SOX6: variants seen among roughly 807,000 people sequenced by gnomAD.
SOX6 encodes the protein SRY-box transcription factor 6.
In SOX6, 11 loss-of-function variants were observed where a neutral mutation model predicts 97.8. The observed-to-expected ratio is 0.11, with a 90% CI of 0.07 to 0.19. The LOEUF (loss-of-function observed/expected upper bound fraction) is 0.19. Ranked by LOEUF, SOX6 falls within the 10% of genes least tolerant of loss-of-function variation. The probability of loss-of-function intolerance (pLI) is 1.00; values close to 1 mark genes in which losing one functional copy is unlikely to be tolerated. For synonymous variants in SOX6, 360 were observed against 371.4 expected (o/e 0.97, Z 0.35); for missense variants, 810 against 1,039.5 (o/e 0.78, Z 3.04).
chr11:16,012,206 C>A (rs1006696835), intron 13 of SOX6, among the ~76,000 whole-genome samples: 1 of 151,908 alleles, frequency 6.6e-6, no homozygotes, highest in East Asian at 1.9e-4. Flanking sequence ...TATGAAGGAA[C>A]GAAGTAGAGA....
At chr11:16,567,115 C>T (rs1050186215) in intron 4 of SOX6, among the ~76,000 whole-genome samples, 1 of 152,174 alleles carries the variant, frequency 6.6e-6, no homozygotes, top group East Asian at 1.9e-4. Context: ...CACCTGACCT[C>T]ATCTGACAAG....
At chr11:16,541,869 G>A (rs756131622) in intron 4 of SOX6, among the ~76,000 whole-genome samples, 1 of 152,178 alleles carries the variant, frequency 6.6e-6, no homozygotes, top group Non-Finnish European at 1.5e-5. Context: ...GTTGGTGGGA[G>A]TGTAAATTAG....
intron 1 of SOX6, among the ~76,000 whole-genome samples, chr11:16,363,424 A>G (rs574954647): frequency 2.0e-5 from 3 of 152,270 alleles, no homozygotes; most frequent in East Asian, 1.9e-4. Context: ...GTTCAATCCA[A>G]TATCTGCAAA....
intron 4 of SOX6, among the ~76,000 whole-genome samples, chr11:16,233,901 G>A (rs1049700900): frequency 6.6e-6 from 1 of 151,562 alleles, no homozygotes; most frequent in African/African-American, 2.4e-5. Context: ...CAGCTACTCA[G>A]GGGGCTGAGG....
intron 1 of SOX6, among the ~76,000 whole-genome samples, chr11:16,345,157 A>C (rs1337213759): frequency 6.6e-6 from 1 of 151,958 alleles, no homozygotes; most frequent in Non-Finnish European, 1.5e-5. Flanking sequence ...TTGGAGATAA[A>C]ATAAAAGAGG....
chr11:16,433,635 T>C (rs1343997898), intron 1 of SOX6, among the ~76,000 whole-genome samples: 1 of 152,096 alleles, frequency 6.6e-6, no homozygotes, highest in Non-Finnish European at 1.5e-5. Context: ...TTGGGGTTTT[T>C]GTTATGTGCT....
chr11:16,184,518 C>T (rs1319804691), intron 5 of SOX6, among the ~76,000 whole-genome samples: 2 of 152,028 alleles, frequency 1.3e-5, no homozygotes, highest in African/African-American at 4.8e-5. Flanking sequence ...TTTTTAAAAA[C>T]AAATTAAGCT....
intron 2 of SOX6, among the ~76,000 whole-genome samples, chr11:16,716,944 T>C (rs1848223755): frequency 1.3e-5 from 2 of 152,130 alleles, no homozygotes; most frequent in South Asian, 2.1e-4. Context: ...GCACTGAAAA[T>C]GTTTTATTTC....
chr11:16,130,003 G>T (rs986343605), intron 6 of SOX6, among the ~76,000 whole-genome samples: 1 of 151,896 alleles, frequency 6.6e-6, no homozygotes, highest in Admixed American at 6.6e-5. Flanking sequence ...AGTGTGGAAA[G>T]AAGTGACATT....
intron 3 of SOX6, among the ~76,000 whole-genome samples, chr11:16,623,276 C>G (rs561308007): frequency 3.3e-5 from 5 of 152,186 alleles, no homozygotes; most frequent in African/African-American, 1.2e-4. Context: ...CCACCTCAGC[C>G]TCCCAAAGTG....
At chr11:16,112,812 G>C (rs1849262777) in intron 6 of SOX6, among the ~76,000 whole-genome samples, 1 of 152,070 alleles carries the variant, frequency 6.6e-6, no homozygotes, top group African/African-American at 2.4e-5. Flanking sequence ...CCGGATTCCA[G>C]GATAGCATGA....
chr11:16,081,319 T>C lies in SOX6; in HGVS notation c.1101+14677A>G, dbSNP rs534812638. ...TAAGATTTATAAAATGCACCACTTC[T>C]CTGGAAAAGGAGAAATCACCCTTGG... On this transcript the variant is annotated intron_variant, in intron 9 of 15. Transcript: ENST00000683767. Among the ~76,000 whole-genome samples, 13 of 152,170 alleles carry C rather than the reference T, an allele frequency of 8.5e-5. 1 individual carries two copies. Among genetic ancestry groups the C allele is most frequent in the African/African-American group, 3.1e-4 (13 of 41,530 alleles).
At chr11:16,574,789 T>A (rs1370134307) in intron 4 of SOX6, among the ~76,000 whole-genome samples, 2 of 152,034 alleles carry the variant, frequency 1.3e-5, no homozygotes. Context: ...GATCCTGTAA[T>A]CCCAGCACTT....
intron 4 of SOX6, among the ~76,000 whole-genome samples, chr11:16,547,420 G>C (rs535338788): frequency 1.3e-5 from 2 of 151,846 alleles, no homozygotes; most frequent in African/African-American, 4.8e-5. Flanking sequence ...ATATATAAAA[G>C]TATATGTACA....
intron 4 of SOX6, among the ~76,000 whole-genome samples, chr11:16,232,119 T>C (rs540895535): frequency 2.4e-4 from 36 of 151,992 alleles, no homozygotes; most frequent in African/African-American, 8.4e-4. Context: ...AACCCATGAT[T>C]GTATGTATTC....
chr11:16,532,772 A>G lies in SOX6; in HGVS notation n.610-56384T>C, dbSNP rs187270859. On this transcript the variant is annotated intron_variant and non_coding_transcript_variant, in intron 4 of 5. Transcript: ENST00000524520. ...CAAAAATATCCTAAATATCTTCTGAAGCATGATATGCCAGTACTGTCAAGC... is the reference window on the plus strand; with the variant it reads ...CAAAAATATCCTAAATATCTTCTGAGGCATGATATGCCAGTACTGTCAAGC... Among the ~76,000 whole-genome samples, 594 of 152,070 alleles carry G rather than the reference A, an allele frequency of 3.9e-3. 3 individuals are homozygous for G. The highest frequency in any genetic ancestry group is 0.014 in the African/African-American group (575 of 41,572).
At chr11:16,665,094 G>C (rs1354125637) in intron 3 of SOX6, among the ~76,000 whole-genome samples, 1 of 151,880 alleles carries the variant, frequency 6.6e-6, no homozygotes, top group Non-Finnish European at 1.5e-5. Flanking sequence ...TGGGAGACTT[G>C]CTGGCTTCAA....
intron 1 of SOX6, among the ~76,000 whole-genome samples, chr11:16,374,623 C>A (rs904818407): frequency 2.6e-5 from 4 of 151,992 alleles, no homozygotes; most frequent in African/African-American, 9.7e-5. Flanking sequence ...GATTCAAATA[C>A]TTTAAATAAT....
intron 4 of SOX6, among the ~76,000 whole-genome samples, chr11:16,222,052 A>G (rs938332861): frequency 6.6e-6 from 1 of 152,130 alleles, no homozygotes; most frequent in South Asian, 2.1e-4. Context: ...CTTTAACTCC[A>G]TATCAAAATG....
Sources: allele counts gnomAD v4.1 joint callset (sites outside exome capture counted in the v4.1 genomes callset), GRCh38; gene constraint gnomAD v4.1.1; transcripts MANE v1.5; gene names NCBI Gene and HGNC (gene_info 2026-07-23, HGNC 2026-07-21).